Variants in SEC24D observed in about 807,000 individuals in gnomAD.
The protein encoded by SEC24D is protein transport protein Sec24D.
A neutral mutation model predicts 116.9 loss-of-function variants in SEC24D; 69 were observed. That is an observed-to-expected ratio of 0.59 (90% CI 0.49 to 0.72). The LOEUF (loss-of-function observed/expected upper bound fraction) is 0.72, where lower values mean the gene tolerates loss of function less well. SEC24D is among the 30% of genes least tolerant of loss of function. The pLI is 0.00. For missense variants in SEC24D, 1,131 were observed against 1,264.1 expected (o/e 0.89, Z 1.60); for synonymous variants, 405 against 442.8 (o/e 0.91, Z 1.07).
intron 19 of SEC24D, among the ~76,000 whole-genome samples, chr4:118,733,707 C>T (rs567055727): frequency 5.3e-5 from 8 of 152,284 alleles, no homozygotes; most frequent in African/African-American, 1.7e-4. Flanking sequence ...TGAATGATAA[C>T]ATGCAAAATC....
chr4:118,731,588 C>T (rs747113440), intron 20 of SEC24D, 81 bp from the exon 21 acceptor site: 84 of 1,120,044 alleles, frequency 7.5e-5, no homozygotes, highest in Non-Finnish European at 1.1e-4. Context: ...TTCCTTTTTC[C>T]TCCCTCCCCT....
chr4:118,764,156 ATAGT>A (rs139535627), intron 10 of SEC24D, among the ~76,000 whole-genome samples: 8 of 152,306 alleles, frequency 5.3e-5, no homozygotes, highest in African/African-American at 1.9e-4. Flanking sequence ...AGCTGAGGTG[ATAGT>A]TTGGGGGGCA....
In SEC24D at chr4:118,740,953, G is replaced by A. The variant is rs1409828601; in HGVS notation, c.2080C>T (p.Arg694Cys). ...KIGFDAIMRV[R>C]TSTGFRATDF... ...AAATGATAATTACCTGTGCTGGTACGAACCCTCATAATAGCATCAAAGCCT... is the reference window on the plus strand; with the variant it reads ...AAATGATAATTACCTGTGCTGGTACAAACCCTCATAATAGCATCAAAGCCT... The change falls in exon 16 of 23, where the codon CGT (arginine) becomes TGT (cysteine). Residue 694 changes from arginine to cysteine, a missense_variant. Transcript: ENST00000280551. 6 of 1,599,646 alleles carry A rather than the reference G, an allele frequency of 3.8e-6. No homozygotes were observed. Among genetic ancestry groups the A allele is most frequent in the African/African-American group, 1.3e-5 (1 of 74,592 alleles).
intron 17 of SEC24D, 59 bp downstream of exon 17, chr4:118,740,604 A>G (rs1456251511): frequency 7.0e-6 from 11 of 1,580,304 alleles, no homozygotes; most frequent in Non-Finnish European, 9.5e-6. Flanking sequence ...CAGTCTCCCC[A>G]CTGATCATTG....
chr4:118,809,663 TCATC>T (rs147768984), intron 6 of SEC24D, among the ~76,000 whole-genome samples: 6,645 of 152,298 alleles, frequency 0.044, 200 homozygotes, highest in Non-Finnish European at 0.063. Context: ...ATTCATTCAT[TCATC>T]CATTCAAGGA....
chr4:118,815,980 G>A (rs978147390), intron 4 of SEC24D, among the ~76,000 whole-genome samples: 17 of 151,846 alleles, frequency 1.1e-4, no homozygotes, highest in African/African-American at 3.9e-4. Context: ...GCAATACAAT[G>A]GCAAGATAAT....
chr4:118,825,510 G>T (rs1389735313), intron 2 of SEC24D: 1 of 451,290 alleles, frequency 2.2e-6, no homozygotes, highest in Non-Finnish European at 4.4e-6. Context: ...TTGCAGTAAA[G>T]GAGAGAAATC....
intron 2 of SEC24D, 152 bp from the exon 3 acceptor site, chr4:118,824,901 C>T (rs567395481): frequency 1.5e-5 from 9 of 588,308 alleles, no homozygotes; most frequent in Admixed American, 3.6e-5. Flanking sequence ...CACCTACAGA[C>T]CTGTCAATAC....
chr4:118,785,615 T>C (rs1388316779), intron 8 of SEC24D, among the ~76,000 whole-genome samples: 2 of 152,182 alleles, frequency 1.3e-5, no homozygotes, highest in Admixed American at 1.3e-4. Flanking sequence ...ATAAAGTCTA[T>C]ACAAATGTTT....
rs187440707 is a variant in SEC24D, at chr4:118,759,441, C to T, written c.1297-1596G>A. 4.9e-4 allele frequency among the ~76,000 whole-genome samples: 75 copies of T among 152,312 alleles called. 1 individual carries two copies. Among genetic ancestry groups the T allele is most frequent in the African/African-American group, 1.7e-3 (71 of 41,576 alleles). On this transcript the variant is annotated intron_variant, in intron 10 of 22. Coordinates refer to ENST00000280551, the MANE Select transcript of SEC24D (RefSeq NM_014822.4). ...TCATTAGCTTTCTTAATCTATTTCT[C>T]TACCCATTCAATCCAGCTGGCTTTG...
chr4:118,825,656 C>A, intron 2 of SEC24D: 1 of 425,214 alleles, frequency 2.4e-6, no homozygotes, highest in Non-Finnish European at 4.6e-6. Flanking sequence ...TACCTGAGAC[C>A]TCTTCTAGCT....
chr4:118,781,505 CT>C (rs1728411935), intron 8 of SEC24D, among the ~76,000 whole-genome samples: 2 of 152,194 alleles, frequency 1.3e-5, no homozygotes, highest in African/African-American at 4.8e-5. Context: ...ACCTTTCTCT[CT>C]GGCTGCCCTT....
At chr4:118,738,013 G>T in intron 19 of SEC24D, 1 of 346,748 alleles carries the variant, frequency 2.9e-6, no homozygotes, top group Non-Finnish European at 5.3e-6. Context: ...ACATTCTTTT[G>T]TTTATACATA....
rs773921787 is a variant in SEC24D at position 118,739,270 on chromosome 4, C to T, written c.2256G>A (p.Thr752=). The part of the protein sequence containing the change: ...GALIQCAVLY[T]TISGQRRLRI... Reference sequence around the variant, plus strand: ...GAAGTCTTCTTTGACCACTGATTGTCGTGTAAAGCACAGCACACTGTAGAA... The same window carrying T: ...GAAGTCTTCTTTGACCACTGATTGTTGTGTAAAGCACAGCACACTGTAGAA... The change falls in exon 18 of 23, where the codon ACG becomes ACA. Residue 752 remains threonine, a synonymous_variant. Coordinates refer to ENST00000280551, the MANE Select transcript of SEC24D (RefSeq NM_014822.4). The T allele has an allele frequency of 1.3e-5, 21 of 1,613,368 alleles. No individual in the cohort carries two copies. The highest frequency in any genetic ancestry group is 1.6e-4 in the Middle Eastern group (1 of 6,076).
At chr4:118,814,199 G>A (rs1730039091) in intron 6 of SEC24D, among the ~76,000 whole-genome samples, 1 of 152,178 alleles carries the variant, frequency 6.6e-6, no homozygotes, top group Admixed American at 6.5e-5. Flanking sequence ...CAGTGACATT[G>A]GGCTTTGTTT....
intron 8 of SEC24D, among the ~76,000 whole-genome samples, chr4:118,778,456 A>G (rs1728248422): frequency 6.6e-6 from 1 of 152,046 alleles, no homozygotes; most frequent in South Asian, 2.1e-4. Flanking sequence ...GTTCTGTTCC[A>G]CTGGTCTATA....
At chr4:118,777,225 C>A (rs905883816) in intron 8 of SEC24D, among the ~76,000 whole-genome samples, 1 of 152,116 alleles carries the variant, frequency 6.6e-6, no homozygotes, top group Non-Finnish European at 1.5e-5. Context: ...ATTAACTCAT[C>A]ATTTACACTA....
intron 7 of SEC24D, among the ~76,000 whole-genome samples, chr4:118,800,121 G>A (rs550349703): frequency 4.6e-5 from 7 of 152,106 alleles, no homozygotes; most frequent in African/African-American, 9.7e-5. Context: ...GGGAGGATGC[G>A]CTGAGACTGG....
intron 8 of SEC24D, among the ~76,000 whole-genome samples, chr4:118,796,442 C>A (rs931210287): frequency 6.6e-6 from 1 of 152,068 alleles, no homozygotes; most frequent in Non-Finnish European, 1.5e-5. Context: ...AAATACGAAA[C>A]CATACCACAC....
Sources: gnomAD v4.1 joint callset for allele counts (sites outside exome capture counted in the v4.1 genomes callset) on GRCh38, gnomAD v4.1.1 for gene constraint, MANE v1.5 for transcripts, NCBI Gene and HGNC (gene_info 2026-07-23, HGNC 2026-07-21) for gene names.